The following RSU1 variants were observed in gnomAD, a reference collection of about 807,000 sequenced individuals.
RSU1 encodes the protein rsu-1.
In RSU1, 26 loss-of-function variants were observed where a neutral mutation model predicts 31.1. The observed-to-expected ratio is 0.84, with a 90% confidence interval of 0.61 to 1.16. RSU1 has a LOEUF of 1.16. RSU1 is among the 50% of genes most tolerant of loss of function. The pLI, the probability that RSU1 is intolerant of heterozygous loss-of-function variation, is 0.00. For synonymous variants in RSU1, 164 were observed against 136.3 expected (o/e 1.20, Z -1.41); for missense variants, 320 against 339.1 (o/e 0.94, Z 0.44).
chr10:16,769,844 T>C, intron 3 of RSU1, among the ~76,000 whole-genome samples: 1 of 152,216 alleles, frequency 6.6e-6, no homozygotes, highest in South Asian at 2.1e-4. Flanking sequence ...AATGATACTC[T>C]AGGTAGCTTA....
intron 7 of RSU1, among the ~76,000 whole-genome samples, chr10:16,730,217 C>T (rs1376661183): frequency 1.3e-5 from 2 of 152,174 alleles, no homozygotes; most frequent in Non-Finnish European, 2.9e-5. Context: ...CACACCAAGC[C>T]ATTCAAGAGG....
chr10:16,609,587 C>T (rs777073003), intron 8 of RSU1, among the ~76,000 whole-genome samples: 21 of 152,208 alleles, frequency 1.4e-4, no homozygotes, highest in African/African-American at 3.9e-4. Flanking sequence ...CCCCGTACGA[C>T]GACACTGGAT....
At chr10:16,817,137 G>C (rs1838556382) in intron 1 of RSU1, 53 bp from the exon 2 acceptor site, 1 of 1,333,144 alleles carries the variant, frequency 7.5e-7, no homozygotes, top group Admixed American at 1.7e-5. Flanking sequence ...CGCAGAGGCG[G>C]AAAGGCAAGA....
chr10:16,694,768 G>T (rs11254152), intron 8 of RSU1, among the ~76,000 whole-genome samples: 1 of 151,240 alleles, frequency 6.6e-6, no homozygotes, highest in Non-Finnish European at 1.5e-5. Context: ...GTAGAGACGG[G>T]GTCTTGCTAT....
chr10:16,695,162 G>GGT lies in RSU1; in HGVS notation c.599-8_599-7insAC. On this transcript the variant is annotated splice_polypyrimidine_tract_variant and splice_region_variant and intron_variant, in intron 7 of 8. Transcript: ENST00000345264. ...CCAGTTAAATCCAAGTTTCCTGGGGGGGGGGAAAAAAAAAGTGAAGGTCAC... is the reference window on the plus strand; with the variant it reads ...CCAGTTAAATCCAAGTTTCCTGGGGGGTGGGGGAAAAAAAAAGTGAAGGTCAC... The GGT allele has an allele frequency of 6.8e-7, 1 of 1,479,652 alleles. No individual in the cohort carries two copies. Among genetic ancestry groups the GGT allele is most frequent in the Non-Finnish European group, 9.1e-7 (1 of 1,099,836 alleles). 91.7% of individuals were successfully genotyped at this position (1,479,652 alleles called of 1,614,324 possible).
chr10:16,603,392 A>C (rs1833745936), intron 8 of RSU1, among the ~76,000 whole-genome samples: 1 of 152,226 alleles, frequency 6.6e-6, no homozygotes, highest in African/African-American at 2.4e-5. Flanking sequence ...TGCTCATTAA[A>C]CTTCATCATC....
At chr10:16,607,248 C>T (rs1833820792) in intron 8 of RSU1, among the ~76,000 whole-genome samples, 1 of 152,146 alleles carries the variant, frequency 6.6e-6, no homozygotes, top group African/African-American at 2.4e-5. Flanking sequence ...TTTCCTGAGA[C>T]CTCCCCAGAA....
intron 8 of RSU1, among the ~76,000 whole-genome samples, chr10:16,602,827 G>T (rs1833734614): frequency 6.6e-6 from 1 of 152,160 alleles, no homozygotes. Context: ...CTTCCGGTAG[G>T]ATGCTAAATT....
intron 8 of RSU1, among the ~76,000 whole-genome samples, chr10:16,693,066 G>A (rs12269499): frequency 0.29 from 44,727 of 151,916 alleles, 6,818 homozygotes; most frequent in East Asian, 0.42. Flanking sequence ...TGGCTCAAGC[G>A]ATTCTTGTGC....
At chr10:16,811,182 T>C (rs779550746) in intron 2 of RSU1, among the ~76,000 whole-genome samples, 12 of 152,184 alleles carry the variant, frequency 7.9e-5, no homozygotes, top group Non-Finnish European at 1.6e-4. Context: ...CTGTACAGTT[T>C]TGTAGCCTAA....
At chr10:16,804,314 A>G (rs1159348047) in intron 2 of RSU1, among the ~76,000 whole-genome samples, 1 of 152,190 alleles carries the variant, frequency 6.6e-6, no homozygotes, top group East Asian at 1.9e-4. Flanking sequence ...CACCAACAAC[A>G]CCAAATGCTG....
chr10:16,742,664 G>C (rs1282802244), intron 7 of RSU1, among the ~76,000 whole-genome samples: 1 of 151,592 alleles, frequency 6.6e-6, no homozygotes, highest in Non-Finnish European at 1.5e-5. Context: ...TTTCTCCCAG[G>C]GCAAAATACA....
chr10:16,776,385 TGATA>T (rs1837531685), intron 3 of RSU1, among the ~76,000 whole-genome samples: 1 of 152,160 alleles, frequency 6.6e-6, no homozygotes, highest in African/African-American at 2.4e-5. Flanking sequence ...ATATTATCTT[TGATA>T]AATAAATTAT....
intron 8 of RSU1, among the ~76,000 whole-genome samples, chr10:16,652,226 A>T (rs1834696970): frequency 6.6e-6 from 1 of 152,092 alleles, no homozygotes; most frequent in Admixed American, 6.6e-5. Context: ...GGAAGATAAT[A>T]AACAAAACAA....
intron 7 of RSU1, among the ~76,000 whole-genome samples, chr10:16,713,820 T>C (rs1836070540): frequency 6.6e-6 from 1 of 152,224 alleles, no homozygotes; most frequent in Non-Finnish European, 1.5e-5. Flanking sequence ...TCCAGGTTTA[T>C]GAAGTAACTT....
intron 8 of RSU1, among the ~76,000 whole-genome samples, chr10:16,648,537 T>C (rs1819482777): frequency 6.6e-6 from 1 of 152,154 alleles, no homozygotes; most frequent in African/African-American, 2.4e-5. Context: ...GTTAGCCAAG[T>C]CTATGGCTTG....
intron 8 of RSU1, among the ~76,000 whole-genome samples, chr10:16,650,656 T>C (rs1458197878): frequency 6.8e-6 from 1 of 146,542 alleles, no homozygotes; most frequent in African/African-American, 2.6e-5. Flanking sequence ...CTCGGCTCAC[T>C]GCAAGCTCCG....
At chr10:16,687,824 A>T (rs1835466762) in intron 8 of RSU1, among the ~76,000 whole-genome samples, 1 of 152,054 alleles carries the variant, frequency 6.6e-6, no homozygotes, top group African/African-American at 2.4e-5. Flanking sequence ...GGCTCAAGGC[A>T]TCCTCCCACC....
intron 8 of RSU1, among the ~76,000 whole-genome samples, chr10:16,619,920 G>C (rs890639726): frequency 6.6e-6 from 1 of 151,766 alleles, no homozygotes; most frequent in African/African-American, 2.4e-5. Context: ...TTTCATCCAA[G>C]GTACTTAAAA....
Sources: gnomAD v4.1 joint callset for allele counts (sites outside exome capture counted in the v4.1 genomes callset) on GRCh38, gnomAD v4.1.1 for gene constraint, MANE v1.5 for transcripts, NCBI Gene and HGNC (gene_info 2026-07-23, HGNC 2026-07-21) for gene names.